Variants in GRN observed in about 807,000 individuals in gnomAD.
GRN encodes granulin precursor.
A neutral mutation model predicts 66.7 loss-of-function variants in GRN; 30 were observed. The ratio of observed to expected loss-of-function variants is 0.45; its 90% confidence interval spans 0.34 to 0.61. The LOEUF (loss-of-function observed/expected upper bound fraction) is 0.61. GRN is among the 20% of genes least tolerant of loss of function. The probability of loss-of-function intolerance (pLI) is 0.01; values close to 1 mark genes in which losing one functional copy is unlikely to be tolerated. For missense variants in GRN, 731 were observed against 803.5 expected (o/e 0.91, Z 1.09); for synonymous variants, 327 against 311.1 (o/e 1.05, Z -0.54).
chr17:44,351,292 C>T, intron 8 of GRN, 71 bp from the exon 9 acceptor site: 1 of 1,520,618 alleles, frequency 6.6e-7, no homozygotes, highest in Non-Finnish European at 9.1e-7. Context: ...AGCTGTGGAG[C>T]CGGCAAAGGG....
In GRN at chr17:44,350,218, T is replaced by C. The variant is rs1279486192; in HGVS notation, c.350-10T>C. 2 of 1,589,704 alleles carry C rather than the reference T, an allele frequency of 1.3e-6. No individual in the cohort carries two copies. The highest frequency in any genetic ancestry group is 2.2e-5 in the South Asian group (2 of 90,588). ...TGGGCTGGTAGTATCCTGGGTCATCTTGTCCACAGGTAACAACTCCGTGGG... is the reference window on the plus strand; with the variant it reads ...TGGGCTGGTAGTATCCTGGGTCATCCTGTCCACAGGTAACAACTCCGTGGG... On this transcript the variant is annotated splice_polypyrimidine_tract_variant and intron_variant, in intron 4 of 12. Coordinates refer to ENST00000053867, the MANE Select transcript of GRN (RefSeq NM_002087.4).
chr17:44,353,029 C>G lies in GRN; in HGVS notation c.*231C>G. The G allele has an allele frequency of 1.7e-6, 1 of 604,422 alleles. No individual in the cohort carries two copies. Among genetic ancestry groups the G allele is most frequent in the Admixed American group, 2.9e-5 (1 of 34,968 alleles). 37.4% of individuals were successfully genotyped at this position (604,422 alleles called of 1,614,324 possible). On this transcript the variant is annotated 3_prime_UTR_variant, in exon 13 of 13. Coordinates refer to ENST00000053867, the MANE Select transcript of GRN (RefSeq NM_002087.4). ...TCCCCGTTTCAGTGGACCCTGTGGC[C>G]AGGTGCTTTTCCCTATCCACAGGGG...
rs1444206853 is a variant in GRN at position 44,351,143 on chromosome 17, C to T, written c.815C>T (p.Thr272Ile). Residue 272 changes from threonine to isoleucine, a missense_variant, in exon 8 of 13, where the codon ACT becomes ATT. Thr to Ile is a moderately conservative substitution (Grantham distance 89, BLOSUM62 -1). Transcript: ENST00000053867. ...GAGAACGCTACCACGGACCTCCTCA[C>T]TAAGCTGCCTGCGCACACAGGTACC... The part of the protein sequence containing the change: ...SKENATTDLL[T>I]KLPAHTVGDV... The T allele has an allele frequency of 6.2e-7, 1 of 1,614,158 alleles. No individual in the cohort carries two copies. The highest frequency in any genetic ancestry group is 8.5e-7 in the Non-Finnish European group (1 of 1,180,006).
chr17:44,352,293 G>C (rs2048384249), intron 11 of GRN, 45 bp downstream of exon 11: 11 of 1,604,790 alleles, frequency 6.9e-6, no homozygotes, highest in African/African-American at 1.3e-5. Context: ...GCTAAGCCCA[G>C]TGAGGGGACA....
In GRN at chr17:44,350,322, G is replaced by T. The variant is rs561120269; in HGVS notation, c.444G>T (p.Gly148=). ...GTGTTATGGTCGATGGCTCCTGGGG[G>T]TGCTGCCCCATGCCCCAGGTACAAA... ...TCCVMVDGSW[G]CCPMPQASCC... Residue 148 remains glycine (G), a synonymous_variant, in exon 5 of 13, where the codon GGG becomes GGT. Transcript: ENST00000053867. 1.2e-6 allele frequency: 2 copies of T among 1,613,224 alleles called. No individual in the cohort carries two copies. Among genetic ancestry groups the T allele is most frequent in the African/African-American group, 1.3e-5 (1 of 74,836 alleles).
rs771313711 is a variant in GRN at position 44,352,168 on chromosome 17, G to A, written c.1333G>A (p.Asp445Asn). The change falls in exon 11 of 13, where the codon GAC becomes AAC. Residue 445 changes from aspartate to asparagine, a missense_variant. Physicochemically the swap from Asp to Asn is conservative, Grantham distance 23 (BLOSUM62 1). Around this residue, in one of 3 missense-constraint regions of GRN, gnomAD observed 319 missense variants for 347.2 expected, o/e 0.92. Transcript: ENST00000053867. ...ATCCCACCCCAGAGACATCGGCTGT[G>A]ACCAGCACACCAGCTGCCCGGTGGG... is the stretch of plus-strand genomic sequence containing the variant. ...SLSHPRDIGC[D>N]QHTSCPVGQT... 6.2e-7 allele frequency: 1 copy of A among 1,613,742 alleles called. No individual in the cohort carries two copies. The highest frequency in any genetic ancestry group is 1.1e-5 in the South Asian group (1 of 91,078).
At position 44,350,356 on chromosome 17, in the gene GRN, A is replaced by G. The variant is rs1291473194; in HGVS notation, c.462+16A>G. 6.6e-6 allele frequency: 10 copies of G among 1,523,544 alleles called. No homozygotes were observed. The African/African-American group carries it at 1.1e-4, about 17-fold the overall frequency. The allele number at this position is 1,523,544 out of a possible 1,614,324, so 94.4% of individuals were successfully genotyped here. ...CATGCCCCAGGTACAAATCTGGGGG[A>G]GATGGGGGTATGTGGAGGGAAGTGG... On this transcript the variant is annotated intron_variant, in intron 5 of 12. Transcript: ENST00000053867.
intron 1 of GRN, 35 bp downstream of exon 1, chr17:44,345,369 C>G (rs1475300742): frequency 9.9e-5 from 2 of 20,226 alleles, no homozygotes; most frequent in Non-Finnish European, 1.7e-4. Flanking sequence ...CTCGCCTGCT[C>G]CTGCCCAGGG....
intron 4 of GRN, 95 bp downstream of exon 4, chr17:44,349,846 C>G (rs2048355423): frequency 2.5e-6 from 2 of 805,500 alleles, no homozygotes; most frequent in Admixed American, 4.0e-5. Flanking sequence ...CTGATTCCTG[C>G]CCTTGTGCCC....
chr17:44,347,262 C>T (rs544166891), intron 1 of GRN, among the ~76,000 whole-genome samples: 10 of 152,234 alleles, frequency 6.6e-5, no homozygotes, highest in South Asian at 2.1e-4. Flanking sequence ...AACTCAGCAA[C>T]GATGTAACAT....
intron 1 of GRN, among the ~76,000 whole-genome samples, chr17:44,348,147 G>A (rs894886996): frequency 6.6e-6 from 1 of 152,136 alleles, no homozygotes; most frequent in Admixed American, 6.6e-5. Flanking sequence ...AAATAATGGA[G>A]AGTCTTGTAA....
chr17:44,348,829 C>G (rs1237803481), intron 1 of GRN, among the ~76,000 whole-genome samples: 1 of 152,264 alleles, frequency 6.6e-6, no homozygotes, highest in Non-Finnish European at 1.5e-5. Flanking sequence ...ATCAGACCCA[C>G]AAAAATCACG....
chr17:44,347,961 G>A (rs2048338072), intron 1 of GRN, among the ~76,000 whole-genome samples: 1 of 150,816 alleles, frequency 6.6e-6, no homozygotes. Flanking sequence ...GAGCAGACGT[G>A]GTGGCACGCT....
intron 1 of GRN, among the ~76,000 whole-genome samples, chr17:44,347,305 CAG>C (rs2048333083): frequency 6.6e-6 from 1 of 152,048 alleles, no homozygotes; most frequent in East Asian, 1.9e-4. Context: ...TTTTTTGAGA[CAG>C]AATCTCAGTC....
At position 44,352,750 on chromosome 17, in the gene GRN, G is replaced by A. The variant is rs564341596; in HGVS notation, c.1734G>A (p.Pro578=). 56 of 1,611,700 alleles carry A rather than the reference G, an allele frequency of 3.5e-5. No individual in the cohort carries two copies. Among genetic ancestry groups the A allele is most frequent in the Non-Finnish European group, 4.5e-5 (53 of 1,179,976 alleles). The part of the protein sequence containing the change: ...RGTKCLRREA[P]RWDAPLRDPA... The stretch of plus-strand genomic sequence containing the variant: ...CCAAGTGTTTGCGCAGGGAGGCCCC[G>A]CGCTGGGACGCCCCTTTGAGGGACC... Residue 578 remains proline (P), a synonymous_variant, in exon 13 of 13, where the codon CCG becomes CCA. Coordinates refer to ENST00000053867, the MANE Select transcript of GRN (RefSeq NM_002087.4).
Position 44,350,519 on chromosome 17 carries a change from A to T in GRN, c.540A>T (p.Thr180=), listed in dbSNP as rs754641124. The T allele has an allele frequency of 1.9e-6, 3 of 1,613,826 alleles. No individual in the cohort carries two copies. Among genetic ancestry groups the T allele is most frequent in the Non-Finnish European group, 2.5e-6 (3 of 1,179,918 alleles). Residue 180 remains threonine, a synonymous_variant, in exon 6 of 13, where the codon ACA becomes ACT. Coordinates refer to ENST00000053867, the MANE Select transcript of GRN (RefSeq NM_002087.4). ...FCDLVHTRCI[T]PTGTHPLAKK... is the part of the protein sequence containing the mutation. ...ACCTGGTTCACACCCGCTGCATCACACCCACGGGCACCCACCCCCTGGCAA... is the reference window on the plus strand; with the variant it reads ...ACCTGGTTCACACCCGCTGCATCACTCCCACGGGCACCCACCCCCTGGCAA...
Position 44,352,774 on chromosome 17 carries a change from C to T in GRN, c.1758C>T (p.Asp586=). ...EAPRWDAPLR[D]PALRQLL ...CGCGCTGGGACGCCCCTTTGAGGGA[C>T]CCAGCCTTGAGACAGCTGCTGTGAG... is the stretch of plus-strand genomic sequence containing the variant. The change falls in exon 13 of 13, where the codon GAC becomes GAT. Residue 586 remains aspartate (D), a synonymous_variant. Coordinates refer to ENST00000053867, the MANE Select transcript of GRN (RefSeq NM_002087.4). The T allele has an allele frequency of 6.2e-7, 1 of 1,611,838 alleles. No individual in the cohort carries two copies. Among genetic ancestry groups the T allele is most frequent in the Non-Finnish European group, 8.5e-7 (1 of 1,179,948 alleles).
At position 44,352,011 on chromosome 17, in the gene GRN, C is replaced by A. The variant is rs878869885; in HGVS notation, c.1180-4C>A. On this transcript the variant is annotated splice_polypyrimidine_tract_variant and splice_region_variant and intron_variant, in intron 10 of 12. Coordinates refer to ENST00000053867, the MANE Select transcript of GRN (RefSeq NM_002087.4). Reference sequence around the variant, plus strand: ...TACAACGCCCTTTCCTGCCCACCCCCCAGGCTGTCTGCTGCTCGGACCACC... The same window carrying A: ...TACAACGCCCTTTCCTGCCCACCCCACAGGCTGTCTGCTGCTCGGACCACC... 3 of 1,610,866 alleles carry A rather than the reference C, an allele frequency of 1.9e-6. No homozygotes were observed. The highest frequency in any genetic ancestry group is 1.7e-6 in the Non-Finnish European group (2 of 1,178,180).
intron 1 of GRN, among the ~76,000 whole-genome samples, chr17:44,346,834 G>A (rs1291636275): frequency 2.0e-5 from 3 of 152,138 alleles, no homozygotes; most frequent in African/African-American, 4.8e-5. Flanking sequence ...ATGACATGTC[G>A]GCTGGGCGTG....
Sources: allele counts gnomAD v4.1 joint callset (sites outside exome capture counted in the v4.1 genomes callset), GRCh38; gene constraint gnomAD v4.1.1; regional missense constraint gnomAD v4.1.1; transcripts MANE v1.5; gene names NCBI Gene and HGNC (gene_info 2026-07-23, HGNC 2026-07-21).